SPG7: variants seen among roughly 807,000 people sequenced by gnomAD.
The protein encoded by SPG7 is mitochondrial inner membrane m-AAA protease component paraplegin.
In SPG7, 103 loss-of-function variants were observed where a neutral mutation model predicts 81.9. The ratio of observed to expected loss-of-function variants is 1.26; its 90% CI spans 1.07 to 1.48. The LOEUF (loss-of-function observed/expected upper bound fraction) is 1.48. Ranked by LOEUF, SPG7 falls within the 40% of genes most tolerant of loss-of-function variation. The probability of loss-of-function intolerance (pLI) is 0.00; values close to 1 mark genes in which losing one functional copy is unlikely to be tolerated. For missense variants in SPG7, 1,241 were observed against 1,087.3 expected (o/e 1.14, Z -1.99); for synonymous variants, 534 against 444.2 (o/e 1.20, Z -2.54).
At chr16:89,534,831 C>A (rs1344336077) in intron 9 of SPG7, among the ~76,000 whole-genome samples, 1 of 152,222 alleles carries the variant, frequency 6.6e-6, no homozygotes, top group African/African-American at 2.4e-5. Context: ...CCCCCCAGAC[C>A]CATCCACAGG....
chr16:89,526,252 G>A, intron 4 of SPG7, 77 bp from the exon 5 acceptor site: 1 of 1,554,082 alleles, frequency 6.4e-7, no homozygotes, highest in South Asian at 1.1e-5. Context: ...TGAGTTCCAG[G>A]CGGGCTCTCT....
At chr16:89,553,645 C>T (rs531526506) in intron 14 of SPG7, 149 bp from the exon 15 acceptor site, 15 of 707,812 alleles carry the variant, frequency 2.1e-5, no homozygotes, top group Admixed American at 1.4e-4. Context: ...GAGGTGCCAA[C>T]GTCCTCACTG....
chr16:89,515,740 G>T (rs969948366), intron 3 of SPG7, among the ~76,000 whole-genome samples: 3 of 150,042 alleles, frequency 2.0e-5, no homozygotes, highest in African/African-American at 7.4e-5. Flanking sequence ...ATGGGGTCTC[G>T]CTCTGTCGCC....
intron 12 of SPG7, 72 bp downstream of exon 12, chr16:89,548,185 T>C (rs1011990276): frequency 5.6e-6 from 6 of 1,067,718 alleles, no homozygotes; most frequent in South Asian, 1.2e-5. Flanking sequence ...CAGGCAGGTA[T>C]TGAGAGGTGA....
At chr16:89,530,656 T>C (rs763013501) in intron 6 of SPG7, 27 bp from the exon 7 acceptor site, 2 of 1,613,926 alleles carry the variant, frequency 1.2e-6, no homozygotes, top group African/African-American at 2.7e-5. Flanking sequence ...TTCGCCCAGC[T>C]CCTTGCACTT....
At chr16:89,518,354 C>T (rs182182434) in intron 3 of SPG7, 428 of 152,302 alleles carry the variant, frequency 2.8e-3, no homozygotes, top group African/African-American at 1.0e-2. Context: ...ACTGGTGAAC[C>T]TGGAAGGAAT....
chr16:89,543,878 G>T (rs1406082469), intron 9 of SPG7: 1 of 149,382 alleles, frequency 6.7e-6, no homozygotes, highest in Admixed American at 6.7e-5. Context: ...TGGACTCCTG[G>T]CCTCGTGATC....
chr16:89,531,912 A>AC lies in SPG7; in HGVS notation c.997dup (p.Arg333ProfsTer63). 1 of 1,614,016 alleles carries AC rather than the reference A, an allele frequency of 6.2e-7. No individual in the cohort carries two copies. Among genetic ancestry groups the AC allele is most frequent in the Non-Finnish European group, 8.5e-7 (1 of 1,179,942 alleles). On this transcript the variant is annotated frameshift_variant, in exon 8 of 17. Coordinates refer to ENST00000645818, the MANE Select transcript of SPG7 (RefSeq NM_003119.4). LOFTEE classifies it high-confidence loss of function. ...TGTCTGCTGCCGTCCAGAGCCCAGA[A>AC]CGCTTCCTCCAGCTTGGCGCCAAGG...
chr16:89,529,654 C>T (rs1387456306), intron 6 of SPG7, 75 bp downstream of exon 6: 17 of 1,092,662 alleles, frequency 1.6e-5, no homozygotes, highest in African/African-American at 4.6e-5. Flanking sequence ...ATAAGCTATA[C>T]GATGAATACA....
intron 9 of SPG7, chr16:89,541,310 A>C (rs1173881974): frequency 2.0e-6 from 2 of 985,394 alleles, no homozygotes; most frequent in Non-Finnish European, 2.4e-6. Context: ...CAGTAGAAGG[A>C]AACTTTCTTC....
At chr16:89,510,728 G>C (rs1416669625) in intron 2 of SPG7, 136 bp downstream of exon 2, 7 of 694,220 alleles carry the variant, frequency 1.0e-5, no homozygotes, top group Non-Finnish European at 1.8e-5. Flanking sequence ...ACAATGGTGT[G>C]ATCAGAGCTC....
intron 9 of SPG7, chr16:89,540,394 C>G (rs1009372073): frequency 6.6e-6 from 1 of 152,014 alleles, no homozygotes; most frequent in Non-Finnish European, 1.5e-5. Flanking sequence ...TGAAACCAGC[C>G]TGAGCAACAT....
intron 4 of SPG7, 59 bp from the exon 5 acceptor site, chr16:89,526,270 G>A (rs949153954): frequency 5.0e-5 from 81 of 1,606,540 alleles, no homozygotes; most frequent in Admixed American, 6.7e-5. Context: ...TCTGTTGACT[G>A]TAGGGTTGCT....
intron 15 of SPG7, 92 bp from the exon 16 acceptor site, chr16:89,554,394 G>T (rs2058666767): frequency 1.2e-6 from 1 of 848,658 alleles, no homozygotes; most frequent in Non-Finnish European, 1.9e-6. Context: ...GAGGGGAAAG[G>T]CCGTGTTCCC....
chr16:89,532,536 T>C lies in SPG7; in HGVS notation c.1224T>C (p.Asp408=), dbSNP rs753146719. ...RARAPCIVYI[D]EIDAVGKKRS... is the part of the protein sequence containing the mutation. ...GGGCCCCCTGCATCGTCTACATCGA[T>C]GAGATCGACGCGGTGGGCAAGAAGC... Residue 408 remains aspartate, a synonymous_variant, in exon 9 of 17, where the codon GAT becomes GAC. Coordinates refer to ENST00000645818, the MANE Select transcript of SPG7 (RefSeq NM_003119.4). 1.2e-6 allele frequency: 2 copies of C among 1,602,708 alleles called. No homozygotes were observed. The highest frequency in any genetic ancestry group is 1.7e-6 in the Non-Finnish European group (2 of 1,170,672).
chr16:89,546,597 C>T, intron 10 of SPG7, 61 bp from the exon 11 acceptor site: 8 of 1,101,204 alleles, frequency 7.3e-6, no homozygotes, highest in Non-Finnish European at 8.4e-6. Context: ...GACAAACATG[C>T]CGCACCTGTG....
chr16:89,510,343 C>T, intron 1 of SPG7, 147 bp from the exon 2 acceptor site: 2 of 651,272 alleles, frequency 3.1e-6, no homozygotes, highest in Non-Finnish European at 5.4e-6. Context: ...TGACCTATTG[C>T]TCAGACTATT....
In SPG7 at chr16:89,556,934, T is replaced by C. The variant is rs1025019933; in HGVS notation, c.2229T>C (p.Ile743=). The C allele has an allele frequency of 6.2e-6, 10 of 1,614,030 alleles. No homozygotes were observed. Among genetic ancestry groups the C allele is most frequent in the Non-Finnish European group, 8.5e-6 (10 of 1,179,994 alleles). The change falls in exon 17 of 17, where the codon ATT becomes ATC. Residue 743 remains isoleucine, a synonymous_variant. Coordinates refer to ENST00000645818, the MANE Select transcript of SPG7 (RefSeq NM_003119.4). ...AGGAAGTGATAAACTATGAGGACAT[T>C]GAGGCTCTCATTGGCCCGCCGCCCC... is the stretch of plus-strand genomic sequence containing the variant. The part of the protein sequence containing the change: ...LEKEVINYED[I]EALIGPPPHG...
At chr16:89,513,439 C>T (rs1347399600) in intron 3 of SPG7, among the ~76,000 whole-genome samples, 1 of 151,960 alleles carries the variant, frequency 6.6e-6, no homozygotes, top group African/African-American at 2.4e-5. Context: ...TTGCTTGAAC[C>T]TGGGAGGTGG....
Sources: allele counts gnomAD v4.1 joint callset (sites outside exome capture counted in the v4.1 genomes callset), GRCh38; gene constraint gnomAD v4.1.1; transcripts MANE v1.5; gene names NCBI Gene and HGNC (gene_info 2026-07-23, HGNC 2026-07-21).